Variants in TENT2 observed in about 807,000 individuals in gnomAD.
TENT2 encodes the protein poly(A) RNA polymerase GLD2.
Under a neutral mutation model 72.2 loss-of-function variants are expected in TENT2, and 44 were observed. The observed-to-expected ratio is 0.61, with a 90% CI of 0.48 to 0.78. The LOEUF is 0.78. Among genes scored for constraint, TENT2 ranks in the 30% least tolerant of loss-of-function variants. TENT2 has a pLI of 0.00. For synonymous variants in TENT2, 212 were observed against 192.5 expected (o/e 1.10, Z -0.84); for missense variants, 541 against 569.6 (o/e 0.95, Z 0.51).
intron 4 of TENT2, among the ~76,000 whole-genome samples, chr5:79,633,323 A>G (rs1005876152): frequency 1.4e-4 from 20 of 147,238 alleles, no homozygotes; most frequent in Non-Finnish European, 3.0e-5. Context: ...GTTTAATTTT[A>G]TTTCTCCCAT....
At chr5:79,633,462 CAG>C (rs1403905386) in intron 4 of TENT2, among the ~76,000 whole-genome samples, 6 of 93,108 alleles carry the variant, frequency 6.4e-5, no homozygotes, top group Admixed American at 1.5e-4. Flanking sequence ...TTTTTTGAGA[CAG>C]AGTTTCGCTC....
In TENT2 at chr5:79,645,208, G is replaced by C. The variant is rs200818846; in HGVS notation, c.821+16G>C. ...ATAAAGTCAGGTAAATAATTAATGA[G>C]CTTTCTTTTTTTAGTTCCTTTAGAT... On this transcript the variant is annotated intron_variant, in intron 8 of 14. Transcript: ENST00000453514. 6.3e-7 allele frequency: 1 copy of C among 1,591,188 alleles called. No homozygotes were observed. The highest frequency in any genetic ancestry group is 1.1e-5 in the South Asian group (1 of 87,238).
intron 11 of TENT2, among the ~76,000 whole-genome samples, chr5:79,662,009 T>C (rs1326589622): frequency 6.6e-6 from 1 of 152,184 alleles, no homozygotes; most frequent in Non-Finnish European, 1.5e-5. Flanking sequence ...ATGAAAAAAC[T>C]AAGTCTTAGA....
intron 7 of TENT2, among the ~76,000 whole-genome samples, chr5:79,643,289 C>T (rs1219350689): frequency 5.9e-5 from 9 of 152,152 alleles, no homozygotes; most frequent in Non-Finnish European, 1.3e-4. Flanking sequence ...GAGAGAATTT[C>T]ATCTGGCTTG....
At chr5:79,665,348 A>C (rs1260349997) in intron 11 of TENT2, among the ~76,000 whole-genome samples, 3 of 152,208 alleles carry the variant, frequency 2.0e-5, no homozygotes, top group Non-Finnish European at 2.9e-5. Flanking sequence ...CGGTTTTCAA[A>C]TAGAAGGTTA....
chr5:79,617,644 A>G (rs1029045896), intron 1 of TENT2: 7 of 152,126 alleles, frequency 4.6e-5, no homozygotes, highest in Admixed American at 4.6e-4. Context: ...CCCTTTTTCT[A>G]GATTCCAGGT....
intron 13 of TENT2, 132 bp downstream of exon 13, chr5:79,679,802 T>A: frequency 2.0e-6 from 1 of 499,106 alleles, no homozygotes; most frequent in Non-Finnish European, 3.2e-6. Context: ...TTTAAAATTT[T>A]TAATTTTAAA....
intron 8 of TENT2, 127 bp from the exon 9 acceptor site, chr5:79,648,490 A>T (rs924291649): frequency 2.5e-5 from 16 of 640,040 alleles, no homozygotes; most frequent in Non-Finnish European, 3.8e-5. Context: ...AAAAACACAG[A>T]TCTATGGCCT....
intron 11 of TENT2, among the ~76,000 whole-genome samples, chr5:79,666,566 AT>A (rs1244132042): frequency 6.6e-6 from 1 of 150,940 alleles, no homozygotes; most frequent in Non-Finnish European, 1.5e-5. Flanking sequence ...TAATCTTTCT[AT>A]TTTTTTTAGA....
intron 11 of TENT2, among the ~76,000 whole-genome samples, chr5:79,659,553 A>AAAAAAAAATATATATAT (rs1554086793): frequency 3.7e-5 from 1 of 26,858 alleles, no homozygotes; most frequent in Non-Finnish European, 5.6e-5. Context: ...AAAAAAAAAA[A>AAAAAAAAATATATATAT]ATGTATATAT....
chr5:79,681,149 GAT>G (rs1821407967), intron 13 of TENT2, among the ~76,000 whole-genome samples: 3 of 76,792 alleles, frequency 3.9e-5, no homozygotes, highest in African/African-American at 1.6e-4. Flanking sequence ...TCTTTTCTTT[GAT>G]TTTTTTTTTT....
intron 4 of TENT2, among the ~76,000 whole-genome samples, chr5:79,628,731 AT>A (rs1197927736): frequency 6.6e-6 from 1 of 152,204 alleles, no homozygotes; most frequent in Non-Finnish European, 1.5e-5. Flanking sequence ...ACTATAAAAC[AT>A]TTGTGCTCCT....
rs994490386 is a variant in TENT2 at position 79,623,595 on chromosome 5, T to C, written c.465+106T>C. The C allele has an allele frequency of 5.6e-5, 40 of 716,460 alleles. No individual in the cohort carries two copies. In the African/African-American group the frequency reaches 7.0e-4, roughly 13 times the overall value. 44.4% of individuals were successfully genotyped at this position (716,460 alleles called of 1,614,324 possible). A position where few individuals can be genotyped will look rare whatever the true frequency, so the allele number is the denominator to read the frequency against. ...GGATTAAGTAGAACGTGCCTTTTTT[T>C]GTTGCAATGTTTAAAGTACTATTCA... On this transcript the variant is annotated intron_variant, in intron 4 of 14. Transcript: ENST00000453514.
chr5:79,657,041 CAAG>C (rs1798447472), intron 11 of TENT2, 40 bp downstream of exon 11: 11 of 1,338,908 alleles, frequency 8.2e-6, no homozygotes, highest in Non-Finnish European at 1.2e-5. Flanking sequence ...CATTTTATGT[CAAG>C]TGTATGTAGA....
chr5:79,648,160 C>A (rs1790651391), intron 8 of TENT2, among the ~76,000 whole-genome samples: 1 of 151,854 alleles, frequency 6.6e-6, no homozygotes, highest in Non-Finnish European at 1.5e-5. Context: ...TAAAAATTTT[C>A]GGCTGGATAT....
At chr5:79,646,832 G>A (rs537663144) in intron 8 of TENT2, among the ~76,000 whole-genome samples, 4 of 150,558 alleles carry the variant, frequency 2.7e-5, no homozygotes, top group Non-Finnish European at 5.9e-5. Context: ...GCAGTGGCAT[G>A]ATCATAGCTC....
intron 3 of TENT2, among the ~76,000 whole-genome samples, 163 bp from the exon 4 acceptor site, chr5:79,623,089 T>C (rs1166807476): frequency 6.6e-6 from 1 of 152,142 alleles, no homozygotes; most frequent in Non-Finnish European, 1.5e-5. Context: ...TTTCTTGTGC[T>C]GAACATGAAT....
intron 4 of TENT2, 47 bp downstream of exon 4, chr5:79,623,536 AAAT>A: frequency 7.6e-7 from 1 of 1,322,028 alleles, no homozygotes; most frequent in African/African-American, 1.5e-5. Context: ...AATTTAGTAT[AAAT>A]AATGTATTAA....
chr5:79,635,132 A>G (rs1381282765), intron 4 of TENT2, among the ~76,000 whole-genome samples: 1 of 152,206 alleles, frequency 6.6e-6, no homozygotes, highest in Non-Finnish European at 1.5e-5. Context: ...CATATTATAC[A>G]TTCCTCCTCT....
Sources: allele counts gnomAD v4.1 joint callset (sites outside exome capture counted in the v4.1 genomes callset), GRCh38; gene constraint gnomAD v4.1.1; transcripts MANE v1.5; gene names NCBI Gene and HGNC (gene_info 2026-07-23, HGNC 2026-07-21).